Variants in CFAP46 observed in about 807,000 individuals in gnomAD.
CFAP46 encodes the protein cilia and flagella associated protein 46.
A neutral mutation model predicts 325.7 loss-of-function variants in CFAP46; 245 were observed. The observed-to-expected ratio is 0.75, with a 90% CI of 0.68 to 0.84. The LOEUF is 0.84. Among genes scored for constraint, CFAP46 ranks in the 40% least tolerant of loss-of-function variants. The probability of loss-of-function intolerance (pLI) is 0.00; values close to 1 mark genes in which losing one functional copy is unlikely to be tolerated. For synonymous variants in CFAP46, 1,523 were observed against 1,495.9 expected, an observed-to-expected ratio of 1.02 and a Z score of -0.42; for missense variants, 3,346 against 3,543.0, an observed-to-expected ratio of 0.94 and a Z score of 1.41.
chr10:132,916,482 T>C, intron 17 of CFAP46, 67 bp downstream of exon 17: 1 of 1,460,836 alleles, frequency 6.8e-7, no homozygotes. Context: ...CACGCCAGCC[T>C]GAGTGCAGGG....
In CFAP46 at chr10:132,909,973, C is replaced by G; in HGVS notation, c.2595G>C (p.Lys865Asn). ...TCTGCTGCTGCAGCAGCTGCTTGGCCTTGACCCAGGTGGCGATAAGCTGCT... is the reference window on the plus strand; with the variant it reads ...TCTGCTGCTGCAGCAGCTGCTTGGCGTTGACCCAGGTGGCGATAAGCTGCT... ...TRQQLIATWV[K>N]AKQLLQQQIG... Residue 865 changes from lysine (K) to asparagine (N), a missense_variant, in exon 20 of 58, where the codon AAG (lysine) becomes AAC (asparagine). Transcript: ENST00000368586. The G allele has an allele frequency of 6.5e-7, 1 of 1,541,436 alleles. No individual in the cohort carries two copies. Among genetic ancestry groups the G allele is most frequent in the Non-Finnish European group, 8.7e-7 (1 of 1,143,874 alleles).
In CFAP46 at chr10:132,834,696, AGCTCCTCCAGG is replaced by A. The variant is rs752049442; in HGVS notation, c.6813_6823del (p.Leu2272SerfsTer47). The A allele has an allele frequency of 6.2e-7, 1 of 1,612,982 alleles. No individual in the cohort carries two copies. The highest frequency in any genetic ancestry group is 2.2e-5 in the East Asian group (1 of 44,860). On this transcript the variant is annotated frameshift_variant, in exon 48 of 58. Transcript: ENST00000368586. LOFTEE classifies it high-confidence loss of function. ...GAGCAGGGGGAATAGCGGCTGCAGAAGCTCCTCCAGGGGCCCCAGGACGCTACTGAGCCTCT... is the reference window on the plus strand; with the variant it reads ...GAGCAGGGGGAATAGCGGCTGCAGAAGGCCCCAGGACGCTACTGAGCCTCT...
intron 50 of CFAP46, among the ~76,000 whole-genome samples, chr10:132,830,291 A>G (rs1418539319): frequency 1.3e-5 from 2 of 151,628 alleles, no homozygotes; most frequent in African/African-American, 2.4e-5. Context: ...TTACAGGCAC[A>G]TGCCACCACA....
intron 39 of CFAP46, among the ~76,000 whole-genome samples, chr10:132,854,477 A>G (rs1001364433): frequency 6.6e-6 from 1 of 152,080 alleles, no homozygotes; most frequent in Non-Finnish European, 1.5e-5. Context: ...AGCTGGGATT[A>G]CAGGCGCCCG....
At chr10:132,933,750 G>A (rs910177948) in intron 8 of CFAP46, among the ~76,000 whole-genome samples, 4 of 152,220 alleles carry the variant, frequency 2.6e-5, no homozygotes, top group Middle Eastern at 3.2e-3. Flanking sequence ...GGCGTCTGGC[G>A]CCCCTCGCTA....
chr10:132,872,182 G>T (rs1327181130), intron 32 of CFAP46, among the ~76,000 whole-genome samples: 1 of 152,178 alleles, frequency 6.6e-6, no homozygotes, highest in Non-Finnish European at 1.5e-5. Context: ...TCCAAGATAT[G>T]CCTGTATTTC....
Position 132,922,466 on chromosome 10 carries a change from C to A in CFAP46, c.1485+14G>T. 2 of 1,524,694 alleles carry A rather than the reference C, an allele frequency of 1.3e-6. No homozygotes were observed. The highest frequency in any genetic ancestry group is 1.8e-6 in the Non-Finnish European group (2 of 1,132,032). The allele number at this position is 1,524,694 out of a possible 1,614,324, so 94.4% of individuals were successfully genotyped here. Reference sequence around the variant, plus strand: ...CTGCAGCACCCAGCCTCCCTCACTTCCCCGGGGCGGCACCTGCTCAACGGC... The same window carrying A: ...CTGCAGCACCCAGCCTCCCTCACTTACCCGGGGCGGCACCTGCTCAACGGC... On this transcript the variant is annotated intron_variant, in intron 12 of 57. Coordinates refer to ENST00000368586, the MANE Select transcript of CFAP46 (RefSeq NM_001200049.3).
At chr10:132,862,079 GTAGGCAGGGCCTGGGCCCA>G (rs1479447508) in intron 35 of CFAP46, among the ~76,000 whole-genome samples, 1 of 152,252 alleles carries the variant, frequency 6.6e-6, no homozygotes, top group Non-Finnish European at 1.5e-5. Context: ...GCCAGACGGC[GTAGGCAGGGCCTGGGCCCA>G]TAGCAGCCTC....
rs1564781628 is a variant in CFAP46, at chr10:132,859,266, G to C, written c.5199-19C>G. On this transcript the variant is annotated intron_variant, in intron 37 of 57. Transcript: ENST00000368586. The stretch of plus-strand genomic sequence containing the variant: ...CAGGCACCTGACGGAGGGACGGTTT[G>C]GGGCCTGGAGTCAGAAGCCCCAGGG... The C allele has an allele frequency of 6.5e-7, 1 of 1,540,588 alleles. No homozygotes were observed. Among genetic ancestry groups the C allele is most frequent in the Admixed American group, 2.0e-5 (1 of 50,344 alleles).
rs890981332 is a variant in CFAP46, at chr10:132,847,781, G to A, written c.5953-460C>T. The stretch of plus-strand genomic sequence containing the variant: ...ATAGGAAGCCCTGGCAGCCCCTGAA[G>A]AACCTGGGTTGAGAGGGAGCCCCCT... On this transcript the variant is annotated intron_variant, in intron 41 of 57. Transcript: ENST00000368586. The surrounding 1 kb of genome is among the most constrained non-coding windows in gnomAD (Gnocchi z 5.2). Among the ~76,000 whole-genome samples the A allele has an allele frequency of 2.0e-5, 3 of 152,188 alleles. No homozygotes were observed. Among genetic ancestry groups the A allele is most frequent in the African/African-American group, 7.2e-5 (3 of 41,450 alleles).
At chr10:132,903,632 T>C (rs11146576) in intron 22 of CFAP46, among the ~76,000 whole-genome samples, 43,368 of 152,248 alleles carry the variant, frequency 0.28, 7,058 homozygotes, top group Admixed American at 0.46. Context: ...GTCTCACGTA[T>C]ATTTTCAAGT....
At chr10:132,924,204 C>G (rs1005976243) in intron 11 of CFAP46, among the ~76,000 whole-genome samples, 43 of 151,412 alleles carry the variant, frequency 2.8e-4, no homozygotes, top group African/African-American at 9.3e-4. Context: ...TGATGCCTGC[C>G]GCCTGCCTGC....
intron 16 of CFAP46, 66 bp from the exon 17 acceptor site, chr10:132,916,748 C>T (rs1228138536): frequency 7.8e-6 from 11 of 1,402,382 alleles, no homozygotes; most frequent in Non-Finnish European, 1.0e-5. Flanking sequence ...AGATAGGAAA[C>T]ACACACGCCC....
In CFAP46 at chr10:132,832,815, C is replaced by T. The variant is rs1382420284; in HGVS notation, c.7117+543G>A. 6.4e-6 allele frequency: 3 copies of T among 470,932 alleles called. No homozygotes were observed. The highest frequency in any genetic ancestry group is 2.0e-5 in the African/African-American group (1 of 50,040). 29.2% of individuals were successfully genotyped at this position (470,932 alleles called of 1,614,324 possible). ...TGCTTTTCACTGTCTGAGTGATTAACGGAGAGGCTGGCTGTTTACTACACA... is the reference window on the plus strand; with the variant it reads ...TGCTTTTCACTGTCTGAGTGATTAATGGAGAGGCTGGCTGTTTACTACACA... On this transcript the variant is annotated intron_variant, in intron 50 of 57. Transcript: ENST00000368586. The surrounding 1 kb of genome is among the most constrained non-coding windows in gnomAD (Gnocchi z 4.1).
At chr10:132,822,608 C>CAGTGA (rs1847889278) in intron 50 of CFAP46, among the ~76,000 whole-genome samples, 1 of 123,400 alleles carries the variant, frequency 8.1e-6, no homozygotes, top group Non-Finnish European at 1.6e-5. Context: ...CTGATGTGTG[C>CAGTGA]TGTGTGTTGT....
chr10:132,925,474 G>A (rs368033090), intron 10 of CFAP46, among the ~76,000 whole-genome samples: 80 of 152,378 alleles, frequency 5.3e-4, no homozygotes, highest in African/African-American at 1.9e-3. Context: ...AGCCTCGTAC[G>A]CCGGTGCCGG....
intron 22 of CFAP46, among the ~76,000 whole-genome samples, chr10:132,903,781 A>AAT: frequency 6.6e-6 from 1 of 152,312 alleles, no homozygotes; most frequent in African/African-American, 2.4e-5. Flanking sequence ...ATGATATGTG[A>AAT]ATATATATAA....
intron 40 of CFAP46, 88 bp from the exon 41 acceptor site, chr10:132,850,520 T>C: frequency 7.6e-7 from 1 of 1,311,672 alleles, no homozygotes; most frequent in Non-Finnish European, 1.0e-6. Context: ...CCCTCTGCTG[T>C]GCCCTGTGGG....
intron 38 of CFAP46, among the ~76,000 whole-genome samples, chr10:132,858,687 A>G (rs1848682372): frequency 6.6e-6 from 1 of 151,228 alleles, no homozygotes; most frequent in African/African-American, 2.4e-5. Flanking sequence ...TGCACGTGTG[A>G]CCTGGGCCTG....
Sources: gnomAD v4.1 joint callset for allele counts (sites outside exome capture counted in the v4.1 genomes callset) on GRCh38, gnomAD v4.1.1 for gene constraint, Gnocchi (gnomAD v3.1) non-coding constraint, MANE v1.5 for transcripts, NCBI Gene and HGNC (gene_info 2026-07-23, HGNC 2026-07-21) for gene names.